Variants in BICD1 observed in about 807,000 individuals in gnomAD.
BICD1 encodes BICD cargo adaptor 1.
BICD1 carries 35 observed loss-of-function variants against 92.5 expected under a neutral mutation model. The observed-to-expected ratio is 0.38, with a 90% CI of 0.29 to 0.50. The LOEUF is 0.50. Ranked by LOEUF, BICD1 falls within the 20% of genes least tolerant of loss-of-function variation. The pLI is 0.93. For synonymous variants in BICD1, 429 were observed against 465.1 expected (o/e 0.92, Z 1.00); for missense variants, 950 against 1,189.8 (o/e 0.80, Z 2.97).
At chr12:32,298,872 A>G (rs1947955804) in intron 3 of BICD1, among the ~76,000 whole-genome samples, 2 of 145,630 alleles carry the variant, frequency 1.4e-5, no homozygotes, top group Non-Finnish European at 3.0e-5. Flanking sequence ...CTCCATCTCA[A>G]AAAAAAAAAA....
chr12:32,246,971 G>A (rs1349187138), intron 2 of BICD1, among the ~76,000 whole-genome samples: 1 of 151,940 alleles, frequency 6.6e-6, no homozygotes, highest in African/African-American at 2.4e-5. Flanking sequence ...CAAGATGCCT[G>A]TTATGGTCAG....
chr12:32,152,775 A>G (rs1408588025), intron 1 of BICD1, among the ~76,000 whole-genome samples: 1 of 152,334 alleles, frequency 6.6e-6, no homozygotes. Context: ...TTAAGAAATC[A>G]AGTCTACTTA....
intron 1 of BICD1, among the ~76,000 whole-genome samples, chr12:32,187,706 A>G (rs1423495445): frequency 1.3e-5 from 2 of 152,134 alleles, no homozygotes; most frequent in Admixed American, 6.5e-5. Context: ...AAATGATTCT[A>G]TGGAAACAGC....
chr12:32,239,736 G>A (rs1029808143), intron 2 of BICD1, among the ~76,000 whole-genome samples: 10 of 151,334 alleles, frequency 6.6e-5, no homozygotes, highest in Non-Finnish European at 1.5e-4. Context: ...AGCCTCCCAA[G>A]CAGCTGGGAT....
intron 2 of BICD1, among the ~76,000 whole-genome samples, chr12:32,217,693 A>G (rs1945400389): frequency 6.6e-6 from 1 of 152,226 alleles, no homozygotes; most frequent in Admixed American, 6.5e-5. Flanking sequence ...CTCCAACGTG[A>G]ACAACTGTTA....
At chr12:32,179,726 CATGCCTGT>C (rs1944216401) in intron 1 of BICD1, among the ~76,000 whole-genome samples, 1 of 151,878 alleles carries the variant, frequency 6.6e-6, no homozygotes, top group Non-Finnish European at 1.5e-5. Context: ...TGCAATGGCT[CATGCCTGT>C]TATCTTAGCA....
intron 1 of BICD1, among the ~76,000 whole-genome samples, chr12:32,148,989 C>T (rs995595378): frequency 1.3e-5 from 2 of 149,902 alleles, no homozygotes; most frequent in African/African-American, 4.9e-5. Context: ...CACTGTACTC[C>T]ACCCTGGGTG....
At chr12:32,291,754 C>T (rs971336310) in intron 2 of BICD1, among the ~76,000 whole-genome samples, 2 of 152,092 alleles carry the variant, frequency 1.3e-5, no homozygotes, top group African/African-American at 4.8e-5. Context: ...GGGAGAATCA[C>T]TTGAGCCTGG....
chr12:32,117,826 C>G (rs1024261935), intron 1 of BICD1, among the ~76,000 whole-genome samples: 2 of 149,544 alleles, frequency 1.3e-5, no homozygotes, highest in African/African-American at 2.4e-5. Flanking sequence ...TCTCAGCTCA[C>G]CGCAACCTCC....
At position 32,382,440 on chromosome 12, in the gene BICD1, A is replaced by G. The variant is rs1940215218; in HGVS notation, c.*4813A>G. The G allele has an allele frequency of 6.6e-6, 1 of 152,150 alleles. No homozygotes were observed. The highest frequency in any genetic ancestry group is 1.5e-5 in the Non-Finnish European group (1 of 67,970). 9.4% of individuals were successfully genotyped at this position (152,150 alleles called of 1,614,324 possible). On this transcript the variant is annotated 3_prime_UTR_variant, in exon 10 of 10. Coordinates refer to ENST00000652176, the MANE Select transcript of BICD1 (RefSeq NM_001714.4). ...CCCATATTCATAAGATGAACACTAT[A>G]GAAGTCTCATTTCTCTGTGATCTTC...
intron 1 of BICD1, among the ~76,000 whole-genome samples, chr12:32,132,289 G>A (rs187554882): frequency 5.3e-5 from 8 of 151,994 alleles, no homozygotes; most frequent in Non-Finnish European, 5.9e-5. Flanking sequence ...GGTGGCAGGC[G>A]CTTGTAATCC....
At chr12:32,326,366 T>G (rs1264806797) in intron 4 of BICD1, among the ~76,000 whole-genome samples, 1 of 152,168 alleles carries the variant, frequency 6.6e-6, no homozygotes, top group Admixed American at 6.5e-5. Context: ...AGAAAATGGT[T>G]TAAAATTTTT....
intron 2 of BICD1, among the ~76,000 whole-genome samples, chr12:32,266,252 A>G (rs1946993243): frequency 6.6e-6 from 1 of 152,168 alleles, no homozygotes; most frequent in African/African-American, 2.4e-5. Context: ...GATGCATTGT[A>G]TCTACTGGAG....
At chr12:32,125,763 C>G (rs910144614) in intron 1 of BICD1, among the ~76,000 whole-genome samples, 1 of 152,048 alleles carries the variant, frequency 6.6e-6, no homozygotes, top group Non-Finnish European at 1.5e-5. Flanking sequence ...AGTGTGTTGG[C>G]TAGGCGCAGT....
At chr12:32,265,439 T>C (rs972149293) in intron 2 of BICD1, among the ~76,000 whole-genome samples, 2 of 151,680 alleles carry the variant, frequency 1.3e-5, no homozygotes, top group Admixed American at 1.3e-4. Context: ...TTGGGCACGA[T>C]GGCTCACACC....
chr12:32,194,739 C>T (rs752168640), intron 1 of BICD1, among the ~76,000 whole-genome samples: 38 of 151,990 alleles, frequency 2.5e-4, no homozygotes, highest in African/African-American at 7.2e-4. Context: ...AAAAATTAGC[C>T]GGGCGTGGTG....
intron 2 of BICD1, among the ~76,000 whole-genome samples, chr12:32,229,498 C>T (rs916285957): frequency 6.6e-6 from 1 of 152,008 alleles, no homozygotes; most frequent in African/African-American, 2.4e-5. Flanking sequence ...AAATGATATC[C>T]AGGAAGTAAA....
At chr12:32,363,453 A>G (rs764670621) in intron 8 of BICD1, among the ~76,000 whole-genome samples, 7 of 152,218 alleles carry the variant, frequency 4.6e-5, no homozygotes, top group African/African-American at 7.2e-5. Flanking sequence ...TTATCATATA[A>G]ACGTACAGCA....
intron 2 of BICD1, among the ~76,000 whole-genome samples, chr12:32,251,919 C>CA (rs1235252244): frequency 1.4e-5 from 2 of 145,226 alleles, no homozygotes; most frequent in Admixed American, 1.5e-4. Context: ...TTCATATTTC[C>CA]ACACGGTTTT....
Sources: allele counts gnomAD v4.1 joint callset (sites outside exome capture counted in the v4.1 genomes callset), GRCh38; gene constraint gnomAD v4.1.1; transcripts MANE v1.5; gene names NCBI Gene and HGNC (gene_info 2026-07-23, HGNC 2026-07-21).